JMJD1C: variants seen among roughly 807,000 people sequenced by gnomAD.
JMJD1C encodes jumonji domain containing 1C, also known as jumonji domain-containing protein 1C.
A neutral mutation model predicts 245.3 loss-of-function variants in JMJD1C; 31 were observed. That is an observed-to-expected ratio of 0.13 (90% CI 0.09 to 0.17). The LOEUF (loss-of-function observed/expected upper bound fraction) is 0.17, where lower values mean the gene tolerates loss of function less well. JMJD1C is among the 10% of genes least tolerant of loss of function. The probability of loss-of-function intolerance (pLI) is 1.00; values close to 1 mark genes in which losing one functional copy is unlikely to be tolerated. For synonymous variants in JMJD1C, 1,057 were observed against 1,017.4 expected (o/e 1.04, Z -0.74); for missense variants, 2,691 against 3,000.2 (o/e 0.90, Z 2.41).
intron 1 of JMJD1C, among the ~76,000 whole-genome samples, chr10:63,503,062 C>T (rs149819726): frequency 2.0e-5 from 3 of 152,144 alleles, no homozygotes; most frequent in African/African-American, 7.2e-5. Context: ...GCTAAATGAT[C>T]CATGTAAAAA....
At chr10:63,390,794 A>T (rs996666295) in intron 1 of JMJD1C, among the ~76,000 whole-genome samples, 19 of 152,296 alleles carry the variant, frequency 1.2e-4, no homozygotes, top group Admixed American at 7.2e-4. Context: ...AAAATTCAAC[A>T]TCCCTTCATA....
chr10:63,200,777 G>GT (rs1320306835), intron 10 of JMJD1C, 100 bp from the exon 11 acceptor site: 8 of 945,540 alleles, frequency 8.5e-6, no homozygotes, highest in African/African-American at 1.6e-5. Context: ...TGATGATACG[G>GT]TAAGACTTTA....
intron 17 of JMJD1C, among the ~76,000 whole-genome samples, chr10:63,190,683 G>C (rs1844689576): frequency 6.6e-6 from 1 of 152,028 alleles, no homozygotes; most frequent in African/African-American, 2.4e-5. Context: ...TGGAATCGAA[G>C]AGCACCCCCC....
At chr10:63,262,902 G>T (rs1376697658) in intron 3 of JMJD1C, among the ~76,000 whole-genome samples, 1 of 152,032 alleles carries the variant, frequency 6.6e-6, no homozygotes, top group Non-Finnish European at 1.5e-5. Flanking sequence ...CACCTGGCAA[G>T]AGTTTATTTT....
At position 63,314,452 on chromosome 10, in the gene JMJD1C, T is replaced by C. The variant is rs569911276; in HGVS notation, c.334-49688A>G. On this transcript the variant is annotated intron_variant, in intron 2 of 25. Coordinates refer to ENST00000399262, the MANE Select transcript of JMJD1C (RefSeq NM_032776.3). ...GCACACACCTGTAGTCCCAGCTACT[T>C]GGGAGACTGAGGTGGGAGAATCACC... Among the ~76,000 whole-genome samples, 4 of 152,252 alleles carry C rather than the reference T, an allele frequency of 2.6e-5. No homozygotes were observed. In the East Asian group the frequency reaches 7.7e-4, roughly 29 times the overall value.
At chr10:63,196,008 G>A (rs1045395314) in intron 13 of JMJD1C, among the ~76,000 whole-genome samples, 1 of 151,374 alleles carries the variant, frequency 6.6e-6, no homozygotes, top group Non-Finnish European at 1.5e-5. Flanking sequence ...CAGGCTGGGC[G>A]TGGTGGCTCA....
chr10:63,364,064 CA>C (rs1945642954), intron 2 of JMJD1C, among the ~76,000 whole-genome samples: 1 of 151,940 alleles, frequency 6.6e-6, no homozygotes, highest in African/African-American at 2.4e-5. Flanking sequence ...TGGGTTTCAC[CA>C]TATTAGCCAG....
intron 2 of JMJD1C, among the ~76,000 whole-genome samples, chr10:63,320,069 C>A (rs1305016031): frequency 2.6e-5 from 4 of 151,932 alleles, no homozygotes; most frequent in Non-Finnish European, 4.4e-5. Flanking sequence ...CCTGACTCAA[C>A]TAATTGTTAT....
At chr10:63,434,266 A>G (rs1025510818) in intron 1 of JMJD1C, among the ~76,000 whole-genome samples, 1 of 152,218 alleles carries the variant, frequency 6.6e-6, no homozygotes, top group Admixed American at 6.5e-5. Flanking sequence ...GCCTGAAACA[A>G]CAAAAAACCT....
intron 1 of JMJD1C, among the ~76,000 whole-genome samples, chr10:63,448,910 A>G (rs146723125): frequency 2.8e-4 from 43 of 152,226 alleles, no homozygotes; most frequent in African/African-American, 9.4e-4. Flanking sequence ...TGAAGTCAGG[A>G]GTTCGAGCCC....
chr10:63,369,253 C>T (rs1366064112), intron 2 of JMJD1C, among the ~76,000 whole-genome samples: 2 of 151,588 alleles, frequency 1.3e-5, no homozygotes, highest in Admixed American at 1.3e-4. Flanking sequence ...AAGCAATTCT[C>T]GCCTCAGCCT....
intron 1 of JMJD1C, among the ~76,000 whole-genome samples, chr10:63,388,986 C>T (rs1022976720): frequency 6.6e-6 from 1 of 152,040 alleles, no homozygotes; most frequent in African/African-American, 2.4e-5. Context: ...AACATATATG[C>T]ACCAAACAGC....
At chr10:63,438,059 G>GCCTAGA (rs1951156975) in intron 1 of JMJD1C, among the ~76,000 whole-genome samples, 1 of 152,020 alleles carries the variant, frequency 6.6e-6, no homozygotes, top group African/African-American at 2.4e-5. Context: ...AGATTCTCCA[G>GCCTAGA]CCTAGACCTC....
In JMJD1C at chr10:63,465,533, C is replaced by A; in HGVS notation, c.130G>T (p.Ala44Ser). The stretch of plus-strand genomic sequence containing the variant: ...TTGCGGCTGTCCCTGTGTGACACGG[C>A]TCGGATGACCCCCGCTCGCCAGCTT... The part of the protein sequence containing the change: ...WRSWRAGVIR[A>S]VSHRDSRNPD... The change falls in exon 1 of 26, where the codon GCC becomes TCC. Residue 44 changes from alanine (A) to serine (S), a missense_variant. By Grantham distance (99) the Ala-to-Ser change is moderately conservative (BLOSUM62 1). Around this residue, in one of 9 missense-constraint regions of JMJD1C, gnomAD observed 135 missense variants for 115.5 expected, o/e 1.17. Transcript: ENST00000399262. 1.2e-6 allele frequency: 2 copies of A among 1,605,008 alleles called. No homozygotes were observed. Among genetic ancestry groups the A allele is most frequent in the Non-Finnish European group, 8.5e-7 (1 of 1,178,378 alleles).
chr10:63,361,017 G>A (rs983139824), intron 2 of JMJD1C, among the ~76,000 whole-genome samples: 2 of 152,144 alleles, frequency 1.3e-5, no homozygotes, highest in Non-Finnish European at 2.9e-5. Flanking sequence ...CAAATGAACA[G>A]TTTCAAATAT....
At chr10:63,402,133 C>CAAAAA (rs35050584) in intron 1 of JMJD1C, among the ~76,000 whole-genome samples, 15 of 83,484 alleles carry the variant, frequency 1.8e-4, no homozygotes, top group East Asian at 1.3e-3. Context: ...AACTCCGTCT[C>CAAAAA]AAAAAAAAAG....
chr10:63,233,754 C>A (rs951487344), intron 3 of JMJD1C, among the ~76,000 whole-genome samples: 1 of 44,308 alleles, frequency 2.3e-5, no homozygotes. Flanking sequence ...CACACACGCG[C>A]GTGCACACAC....
At chr10:63,297,342 C>CT (rs1463612190) in intron 2 of JMJD1C, among the ~76,000 whole-genome samples, 1 of 152,284 alleles carries the variant, frequency 6.6e-6, no homozygotes, top group East Asian at 1.9e-4. Flanking sequence ...CCTATAAAAA[C>CT]CCCGGGCTCA....
intron 2 of JMJD1C, among the ~76,000 whole-genome samples, chr10:63,281,426 T>C (rs1214730249): frequency 6.9e-6 from 1 of 145,910 alleles, no homozygotes; most frequent in Non-Finnish European, 1.5e-5. Flanking sequence ...CCCAAAGTGC[T>C]ATGATTACAG....
Sources: allele counts gnomAD v4.1 joint callset (sites outside exome capture counted in the v4.1 genomes callset), GRCh38; gene constraint gnomAD v4.1.1; regional missense constraint gnomAD v4.1.1; transcripts MANE v1.5; gene names NCBI Gene and HGNC (gene_info 2026-07-23, HGNC 2026-07-21).